SLC5A12: variants seen among roughly 807,000 people sequenced by gnomAD.
SLC5A12 encodes solute carrier family 5 member 12.
A neutral mutation model predicts 72.7 loss-of-function variants in SLC5A12; 46 were observed. The observed-to-expected ratio is 0.63, with a 90% CI of 0.50 to 0.81. The LOEUF is 0.81. SLC5A12 is among the 30% of genes least tolerant of loss of function. The pLI is 0.00. For synonymous variants in SLC5A12, 275 were observed against 264.4 expected, an observed-to-expected ratio of 1.04 and a Z score of -0.39; for missense variants, 683 against 740.7, an observed-to-expected ratio of 0.92 and a Z score of 0.90.
intron 13 of SLC5A12, among the ~76,000 whole-genome samples, chr11:26,676,077 T>C (rs1854259484): frequency 6.6e-6 from 1 of 152,074 alleles, no homozygotes; most frequent in Admixed American, 6.6e-5. Flanking sequence ...TGGTATCAGA[T>C]TTCACCACAG....
chr11:26,673,886 ACCAGATATATTAATATTTGAGATC>A (rs1029712925), intron 13 of SLC5A12, among the ~76,000 whole-genome samples: 14 of 152,152 alleles, frequency 9.2e-5, no homozygotes, highest in Admixed American at 6.5e-5. Flanking sequence ...TTTTATCCAA[ACCAGATATATTAATATTTGAGATC>A]ATCTAAGTCA....
intron 13 of SLC5A12, among the ~76,000 whole-genome samples, chr11:26,673,902 T>C (rs1241801878): frequency 6.6e-6 from 1 of 152,158 alleles, no homozygotes; most frequent in South Asian, 2.1e-4. Context: ...TATATTAATA[T>C]TTGAGATCAT....
intron 2 of SLC5A12, 90 bp downstream of exon 2, chr11:26,712,551 C>T: frequency 1.2e-6 from 1 of 852,458 alleles, no homozygotes; most frequent in Non-Finnish European, 1.8e-6. Context: ...TATTAAGTGT[C>T]CTTTAGCTGA....
intron 10 of SLC5A12, among the ~76,000 whole-genome samples, chr11:26,685,751 G>A (rs1396604863): frequency 6.6e-6 from 1 of 152,158 alleles, no homozygotes; most frequent in Non-Finnish European, 1.5e-5. Context: ...TGGCTCAGGA[G>A]ACTTGAGTCA....
chr11:26,715,800 G>A (rs1297528198), intron 1 of SLC5A12, among the ~76,000 whole-genome samples: 3 of 152,114 alleles, frequency 2.0e-5, no homozygotes, highest in Non-Finnish European at 4.4e-5. Context: ...AGGTAACAAG[G>A]ACAAGCTGTC....
chr11:26,697,105 C>T lies in SLC5A12; in HGVS notation c.1040+59G>A, dbSNP rs1410590819. On this transcript the variant is annotated intron_variant, in intron 8 of 14. Coordinates refer to ENST00000396005, the MANE Select transcript of SLC5A12 (RefSeq NM_178498.4). ...GCTTGCTAAATATTGTTGATCACTACACCATCATCCTTGTTATCCTTTCCA... is the reference window on the plus strand; with the variant it reads ...GCTTGCTAAATATTGTTGATCACTATACCATCATCCTTGTTATCCTTTCCA... The T allele has an allele frequency of 4.2e-6, 6 of 1,412,232 alleles. No homozygotes were observed. In the Admixed American group the frequency reaches 1.1e-4, roughly 25 times the overall value. The allele number at this position is 1,412,232 out of a possible 1,614,324, so 87.5% of individuals were successfully genotyped here.
chr11:26,703,068 G>T (rs1854997330), intron 6 of SLC5A12, among the ~76,000 whole-genome samples: 1 of 151,918 alleles, frequency 6.6e-6, no homozygotes, highest in Non-Finnish European at 1.5e-5. Context: ...CTTCTATTTG[G>T]TAACTGCCTA....
At chr11:26,711,283 G>T (rs1047365452) in intron 3 of SLC5A12, 24 bp downstream of exon 3, 2 of 1,602,020 alleles carry the variant, frequency 1.2e-6, no homozygotes, top group Non-Finnish European at 1.7e-6. Flanking sequence ...GGTAAAATAT[G>T]CCAAGAGAAT....
chr11:26,690,591 A>G (rs1590719675), intron 9 of SLC5A12, among the ~76,000 whole-genome samples: 1 of 149,712 alleles, frequency 6.7e-6, no homozygotes, highest in African/African-American at 2.5e-5. Context: ...CCGGGGGATC[A>G]CCTGAGGTTG....
intron 13 of SLC5A12, among the ~76,000 whole-genome samples, chr11:26,678,145 T>C (rs190077695): frequency 1.3e-5 from 2 of 152,192 alleles, no homozygotes; most frequent in Admixed American, 1.3e-4. Flanking sequence ...GTGTTTTGCT[T>C]TTCTAGTAAG....
At chr11:26,703,972 C>A (rs1391471734) in intron 4 of SLC5A12, 25 bp from the exon 5 acceptor site, 3 of 1,612,068 alleles carry the variant, frequency 1.9e-6, no homozygotes, top group East Asian at 2.2e-5. Context: ...ATGTTTGAGT[C>A]CTTGAAAACA....
In SLC5A12 at chr11:26,709,391, G is replaced by A. The variant is rs1855167415; in HGVS notation, c.458-12C>T. ...ATCAAACCCAGTCACTAGGAAAGAA[G>A]AAAAAAATATTAAAAGAAGTTTCCT... On this transcript the variant is annotated splice_polypyrimidine_tract_variant and intron_variant, in intron 3 of 14. Transcript: ENST00000396005. 2 of 1,595,644 alleles carry A rather than the reference G, an allele frequency of 1.3e-6. No individual in the cohort carries two copies. The highest frequency in any genetic ancestry group is 1.3e-5 in the African/African-American group (1 of 74,210).
At chr11:26,707,791 T>A (rs1565200140) in intron 4 of SLC5A12, among the ~76,000 whole-genome samples, 1 of 152,082 alleles carries the variant, frequency 6.6e-6, no homozygotes, top group South Asian at 2.1e-4. Flanking sequence ...TGCTATTTTG[T>A]ATTTTTTATG....
At chr11:26,681,019 C>A in intron 12 of SLC5A12, 36 bp downstream of exon 12, 1 of 1,523,512 alleles carries the variant, frequency 6.6e-7, no homozygotes, top group South Asian at 1.3e-5. Flanking sequence ...GTGACCCACT[C>A]TCTGGGACTT....
At chr11:26,680,809 C>A (rs1383343333) in intron 12 of SLC5A12, among the ~76,000 whole-genome samples, 1 of 152,094 alleles carries the variant, frequency 6.6e-6, no homozygotes, top group African/African-American at 2.4e-5. Flanking sequence ...TATTTTTTCT[C>A]TTTTGTACTC....
intron 14 of SLC5A12, 96 bp from the exon 15 acceptor site, chr11:26,671,347 T>G (rs1854138206): frequency 9.8e-7 from 1 of 1,025,584 alleles, no homozygotes; most frequent in African/African-American, 1.6e-5. Flanking sequence ...TTCAAAAAAT[T>G]ATATATATGT....
Position 26,671,138 on chromosome 11 carries a change from GC to G in SLC5A12, c.1820del (p.Ser607ThrfsTer18), listed in dbSNP as rs1854131507. 1 of 1,612,344 alleles carries G rather than the reference GC, an allele frequency of 6.2e-7. No homozygotes were observed. The highest frequency in any genetic ancestry group is 1.1e-5 in the South Asian group (1 of 90,916). ...HVPGYDPKDKSYNNMAFETTH... is the reference protein window; with the variant it reads ...HVPGYDPKDKXYNNMAFETTH... ...TAGTCTCAAATGCCATATTGTTGTA[GC>G]TTTTGTCCTTAGGATCATAGCCTGG... On this transcript the variant is annotated frameshift_variant, in exon 15 of 15. Transcript: ENST00000396005. LOFTEE classifies it high-confidence loss of function.
intron 13 of SLC5A12, among the ~76,000 whole-genome samples, chr11:26,676,445 T>C (rs940738655): frequency 2.0e-5 from 3 of 151,802 alleles, no homozygotes; most frequent in Non-Finnish European, 4.4e-5. Context: ...AAATAATAGA[T>C]TGATAACTAA....
chr11:26,715,083 T>G (rs934134430), intron 1 of SLC5A12, among the ~76,000 whole-genome samples: 1 of 152,138 alleles, frequency 6.6e-6, no homozygotes, highest in African/African-American at 2.4e-5. Context: ...TTGGGAAGAC[T>G]ATTTTCTGCC....
Sources: gnomAD v4.1 joint callset for allele counts (sites outside exome capture counted in the v4.1 genomes callset) on GRCh38, gnomAD v4.1.1 for gene constraint, MANE v1.5 for transcripts, NCBI Gene and HGNC (gene_info 2026-07-23, HGNC 2026-07-21) for gene names.